Variants in NRXN3 observed in about 807,000 individuals in gnomAD.
NRXN3 encodes the protein neurexin III.
Under a neutral mutation model 137.6 loss-of-function variants are expected in NRXN3, and 32 were observed. That is an observed-to-expected ratio of 0.23 (90% confidence interval 0.18 to 0.31). The LOEUF (loss-of-function observed/expected upper bound fraction) is 0.31. Among genes scored for constraint, NRXN3 ranks in the 10% least tolerant of loss-of-function variants. The pLI is 1.00. For missense variants in NRXN3, 1,574 were observed against 2,062.5 expected, an observed-to-expected ratio of 0.76 and a Z score of 4.59; for synonymous variants, 798 against 784.5, an observed-to-expected ratio of 1.02 and a Z score of -0.29.
At chr14:78,277,348 C>T (rs1420912459) in intron 2 of NRXN3, among the ~76,000 whole-genome samples, 3 of 152,162 alleles carry the variant, frequency 2.0e-5, no homozygotes, top group Admixed American at 2.0e-4. Context: ...CCAGCTTCCC[C>T]ATGGCTTCAG....
At chr14:79,611,405 C>T (rs553662311) in intron 16 of NRXN3, 3 of 152,296 alleles carry the variant, frequency 2.0e-5, no homozygotes, top group South Asian at 4.1e-4. Context: ...CAAGACCATC[C>T]TGGCTAACAC....
intron 1 of NRXN3, among the ~76,000 whole-genome samples, chr14:78,202,062 G>A (rs2061733871): frequency 6.6e-6 from 1 of 152,188 alleles, no homozygotes; most frequent in Non-Finnish European, 1.5e-5. Flanking sequence ...TGAAAGCAGT[G>A]GGGAGGGAGA....
At chr14:78,622,729 C>T (rs959597209) in intron 4 of NRXN3, among the ~76,000 whole-genome samples, 1 of 152,214 alleles carries the variant, frequency 6.6e-6, no homozygotes, top group Non-Finnish European at 1.5e-5. Flanking sequence ...AAGTGATTTT[C>T]CTGACACAAA....
chr14:79,818,281 C>T lies in NRXN3; in HGVS notation c.4093+13091C>T, dbSNP rs532882990. Among the ~76,000 whole-genome samples the T allele has an allele frequency of 1.5e-4, 23 of 152,166 alleles. No individual in the cohort carries two copies. In the South Asian group the frequency reaches 4.6e-3, roughly 30 times the overall value. ...TGGTAGCCAGGATGGTCATGATCTCCTGACCTCGTGATCCGCCCGCCTCGG... is the reference window on the plus strand; with the variant it reads ...TGGTAGCCAGGATGGTCATGATCTCTTGACCTCGTGATCCGCCCGCCTCGG... On this transcript the variant is annotated intron_variant, in intron 20 of 20. Coordinates refer to ENST00000335750, the MANE Select transcript of NRXN3 (RefSeq NM_001330195.2).
chr14:79,046,847 T>C (rs547041237), intron 15 of NRXN3, among the ~76,000 whole-genome samples: 55 of 152,192 alleles, frequency 3.6e-4, no homozygotes, highest in Admixed American at 5.2e-4. Context: ...CCAGGTTGTT[T>C]ATATTAAATT....
intron 3 of NRXN3, among the ~76,000 whole-genome samples, chr14:78,296,875 C>T (rs2076397864): frequency 1.3e-5 from 2 of 152,090 alleles, no homozygotes; most frequent in East Asian, 3.9e-4. Flanking sequence ...GAGTAAGGTT[C>T]TCTGGAGTGA....
chr14:79,190,267 G>C (rs533947051), intron 15 of NRXN3, among the ~76,000 whole-genome samples: 1 of 151,808 alleles, frequency 6.6e-6, no homozygotes, highest in Non-Finnish European at 1.5e-5. Flanking sequence ...TAAAATATCA[G>C]GTCTTTCTCA....
intron 4 of NRXN3, among the ~76,000 whole-genome samples, chr14:78,566,653 T>C (rs2096839257): frequency 6.6e-6 from 1 of 152,190 alleles, no homozygotes; most frequent in Non-Finnish European, 1.5e-5. Flanking sequence ...CCCACCTTCC[T>C]TCCTTCCTCC....
chr14:79,197,119 G>A (rs1020695868), intron 15 of NRXN3, among the ~76,000 whole-genome samples: 4 of 152,052 alleles, frequency 2.6e-5, no homozygotes, highest in African/African-American at 9.7e-5. Context: ...GTTAATTTTG[G>A]CTGGTTACTG....
intron 15 of NRXN3, among the ~76,000 whole-genome samples, chr14:79,037,845 T>G (rs780912276): frequency 6.6e-6 from 1 of 152,068 alleles, no homozygotes; most frequent in Non-Finnish European, 1.5e-5. Context: ...ATGATGGCCC[T>G]GCCAAAAGAT....
intron 4 of NRXN3, among the ~76,000 whole-genome samples, chr14:78,368,537 CA>C (rs1164653216): frequency 3.3e-5 from 5 of 151,868 alleles, no homozygotes; most frequent in Non-Finnish European, 1.5e-5. Flanking sequence ...ACTAAAAATA[CA>C]AAAAAAATTA....
rs146195597 is a variant in NRXN3 at position 79,818,229 on chromosome 14, G to A, written c.4093+13039G>A. On this transcript the variant is annotated intron_variant, in intron 20 of 20. Coordinates refer to ENST00000335750, the MANE Select transcript of NRXN3 (RefSeq NM_001330195.2). Reference sequence around the variant, plus strand: ...CCACCACGCCTGGCTAATTTTTTGTGTTTTTAGTAGAGACGGGGTTTCACC... The same window carrying A: ...CCACCACGCCTGGCTAATTTTTTGTATTTTTAGTAGAGACGGGGTTTCACC... 2.4e-3 allele frequency among the ~76,000 whole-genome samples: 367 copies of A among 151,800 alleles called. 11 individuals carry two copies. The East Asian group carries it at 0.044, about 18-fold the overall frequency.
chr14:79,434,457 G>A (rs867307151), intron 15 of NRXN3, among the ~76,000 whole-genome samples: 1 of 152,188 alleles, frequency 6.6e-6, no homozygotes, highest in Non-Finnish European at 1.5e-5. Context: ...TAATGTCAAG[G>A]CCTCTCAGAG....
At chr14:78,510,425 C>A (rs1479281782) in intron 4 of NRXN3, among the ~76,000 whole-genome samples, 1 of 152,126 alleles carries the variant, frequency 6.6e-6, no homozygotes, top group East Asian at 1.9e-4. Context: ...CTAATCCTCA[C>A]TATTAAATTT....
intron 20 of NRXN3, among the ~76,000 whole-genome samples, chr14:79,848,309 A>T (rs1189651352): frequency 6.6e-6 from 1 of 152,180 alleles, no homozygotes; most frequent in Non-Finnish European, 1.5e-5. Flanking sequence ...TAGGACTTCT[A>T]TATGCAGATA....
intron 16 of NRXN3, among the ~76,000 whole-genome samples, chr14:79,562,853 G>T (rs1344948406): frequency 6.6e-6 from 1 of 152,144 alleles, no homozygotes; most frequent in South Asian, 2.1e-4. Context: ...TGGGTTTAAT[G>T]TTTTCTACTA....
intron 15 of NRXN3, among the ~76,000 whole-genome samples, chr14:79,437,420 A>C (rs971010671): frequency 6.6e-6 from 1 of 152,102 alleles, no homozygotes; most frequent in African/African-American, 2.4e-5. Context: ...CGTTCTAAAA[A>C]AAAAAAAAAG....
chr14:78,992,679 A>G (rs549001565), intron 15 of NRXN3, among the ~76,000 whole-genome samples: 35 of 152,252 alleles, frequency 2.3e-4, no homozygotes, highest in African/African-American at 7.7e-4. Flanking sequence ...AAGGGTTGTC[A>G]TTTTTATGGA....
At chr14:78,897,345 T>C (rs1044228974) in intron 10 of NRXN3, among the ~76,000 whole-genome samples, 1 of 151,916 alleles carries the variant, frequency 6.6e-6, no homozygotes, top group East Asian at 1.9e-4. Context: ...GTAGGAGATA[T>C]TGCTTTTTTT....
Sources: gnomAD v4.1 joint callset for allele counts (sites outside exome capture counted in the v4.1 genomes callset) on GRCh38, gnomAD v4.1.1 for gene constraint, MANE v1.5 for transcripts, NCBI Gene and HGNC (gene_info 2026-07-23, HGNC 2026-07-21) for gene names.